Variants in CACNA2D2 observed in about 807,000 individuals in gnomAD.
The protein encoded by CACNA2D2 is voltage-dependent calcium channel subunit alpha-2/delta-2.
In CACNA2D2, 48 loss-of-function variants were observed where a neutral mutation model predicts 166.4. The observed-to-expected ratio is 0.29, with a 90% CI of 0.23 to 0.37. The LOEUF is 0.37. CACNA2D2 is among the 10% of genes least tolerant of loss of function. CACNA2D2 has a pLI of 1.00. For synonymous variants in CACNA2D2, 561 were observed against 573.7 expected (o/e 0.98, Z 0.32); for missense variants, 1,122 against 1,433.0 (o/e 0.78, Z 3.50).
chr3:50,500,560 G>A (rs1036869131), intron 1 of CACNA2D2, among the ~76,000 whole-genome samples: 16 of 152,212 alleles, frequency 1.1e-4, no homozygotes, highest in South Asian at 2.1e-4. Flanking sequence ...CCCCTCAGCC[G>A]GCGGTGGTGG....
rs2087773052 is a variant in CACNA2D2, at chr3:50,365,540, T to TC, written c.2972-59dup. On this transcript the variant is annotated intron_variant, in intron 34 of 37. Transcript: ENST00000424201. This position sits in a 1 kb window ranked among gnomAD's most constrained non-coding sequence, Gnocchi z 4.5. ...ACAGACCCTGGCAAGGTCTCCGGCCTCCCTCAGTCGTAGACCCCACCCTCC... is the reference window on the plus strand; with the variant it reads ...ACAGACCCTGGCAAGGTCTCCGGCCTCCCCTCAGTCGTAGACCCCACCCTCC... The TC allele has an allele frequency of 1.9e-6, 3 of 1,600,558 alleles. No individual in the cohort carries two copies. In the African/African-American group the frequency reaches 4.0e-5, roughly 21 times the overall value.
chr3:50,426,766 A>C (rs1399627559), intron 3 of CACNA2D2, among the ~76,000 whole-genome samples: 1 of 152,012 alleles, frequency 6.6e-6, no homozygotes, highest in Non-Finnish European at 1.5e-5. Context: ...GGGGCCAGAG[A>C]AGCTTAGCCC....
intron 1 of CACNA2D2, among the ~76,000 whole-genome samples, chr3:50,484,428 A>C (rs1210394645): frequency 2.0e-5 from 3 of 152,086 alleles, no homozygotes; most frequent in Non-Finnish European, 4.4e-5. Context: ...CCGTCGCACT[A>C]AGAGAAAACC....
chr3:50,449,923 A>G (rs1709023234), intron 2 of CACNA2D2, among the ~76,000 whole-genome samples: 1 of 152,156 alleles, frequency 6.6e-6, no homozygotes, highest in African/African-American at 2.4e-5. Context: ...CAATGACAGG[A>G]CTGTCACCAC....
intron 3 of CACNA2D2, among the ~76,000 whole-genome samples, chr3:50,413,018 A>G (rs1707094872): frequency 6.6e-6 from 1 of 151,980 alleles, no homozygotes; most frequent in African/African-American, 2.4e-5. Flanking sequence ...ACGAGGGTGG[A>G]CCCTCCCCAC....
At chr3:50,482,549 T>G (rs1184450865) in intron 1 of CACNA2D2, among the ~76,000 whole-genome samples, 1 of 152,216 alleles carries the variant, frequency 6.6e-6, no homozygotes, top group Non-Finnish European at 1.5e-5. Context: ...CAGCCCCACA[T>G]GTGGGATGCT....
chr3:50,485,275 A>T (rs929902313), intron 1 of CACNA2D2, among the ~76,000 whole-genome samples: 7 of 151,676 alleles, frequency 4.6e-5, no homozygotes, highest in Non-Finnish European at 1.0e-4. Context: ...TGGTTCCCGG[A>T]GCCAGACTCC....
intron 22 of CACNA2D2, among the ~76,000 whole-genome samples, chr3:50,370,794 G>GA (rs1256928842): frequency 2.6e-5 from 4 of 152,060 alleles, no homozygotes; most frequent in Admixed American, 6.5e-5. Flanking sequence ...ATCCATAATG[G>GA]AAAAAACCGC....
chr3:50,481,460 C>G (rs1187940506), intron 1 of CACNA2D2, among the ~76,000 whole-genome samples: 1 of 152,048 alleles, frequency 6.6e-6, no homozygotes, highest in Admixed American at 6.5e-5. Context: ...TCAGCCGCTG[C>G]GCTTCGTGAG....
chr3:50,380,834 T>A lies in CACNA2D2; in HGVS notation c.785-29A>T. 1 of 1,540,076 alleles carries A rather than the reference T, an allele frequency of 6.5e-7. No individual in the cohort carries two copies. On this transcript the variant is annotated intron_variant, in intron 7 of 37. Coordinates refer to ENST00000424201, the MANE Select transcript of CACNA2D2 (RefSeq NM_006030.4). This position sits in a 1 kb window ranked among gnomAD's most constrained non-coding sequence, Gnocchi z 4.9. ...AGGGAGGAGAGAAGGTGAGGGGGAC[T>A]GGCAGGAAAGGGCTGGCCTGGGTAG...
rs945980958 is a variant in CACNA2D2, at chr3:50,378,149, T to A, written c.1390-52A>T. 3 of 1,594,776 alleles carry A rather than the reference T, an allele frequency of 1.9e-6. No homozygotes were observed. The African/African-American group carries it at 4.0e-5, about 21-fold the overall frequency. ...ATGAGTGCCTTTCCCAGGCACTGCCTGTTCTGTCTCGCCAGGCATTGGGAT... is the reference window on the plus strand; with the variant it reads ...ATGAGTGCCTTTCCCAGGCACTGCCAGTTCTGTCTCGCCAGGCATTGGGAT... On this transcript the variant is annotated intron_variant, in intron 14 of 37. Coordinates refer to ENST00000424201, the MANE Select transcript of CACNA2D2 (RefSeq NM_006030.4).
At chr3:50,424,488 G>A (rs1269267239) in intron 3 of CACNA2D2, among the ~76,000 whole-genome samples, 1 of 152,162 alleles carries the variant, frequency 6.6e-6, no homozygotes, top group African/African-American at 2.4e-5. Flanking sequence ...GGGCCTTCTT[G>A]CTCCCTTATT....
rs575813777 is a variant in CACNA2D2, at chr3:50,427,292, G to A, written c.405+7021C>T. 6.6e-6 allele frequency among the ~76,000 whole-genome samples: 1 copy of A among 152,322 alleles called. No homozygotes were observed. The highest frequency in any genetic ancestry group is 1.5e-5 in the Non-Finnish European group (1 of 68,028). Reference sequence around the variant, plus strand: ...CCTCTGTAGGCGGAGGGCCCCAAGGGTGCCCACACAATGGGTGTCCAACAG... The same window carrying A: ...CCTCTGTAGGCGGAGGGCCCCAAGGATGCCCACACAATGGGTGTCCAACAG... On this transcript the variant is annotated intron_variant, in intron 3 of 37. Coordinates refer to ENST00000424201, the MANE Select transcript of CACNA2D2 (RefSeq NM_006030.4). This position sits in a 1 kb window ranked among gnomAD's most constrained non-coding sequence, Gnocchi z 4.7.
At chr3:50,493,768 G>A (rs1367926981) in intron 1 of CACNA2D2, among the ~76,000 whole-genome samples, 1 of 152,232 alleles carries the variant, frequency 6.6e-6, no homozygotes, top group Non-Finnish European at 1.5e-5. Flanking sequence ...CAGAGCTGGA[G>A]GCGGGGCACG....
intron 1 of CACNA2D2, among the ~76,000 whole-genome samples, chr3:50,502,170 C>T (rs1698995936): frequency 6.6e-6 from 1 of 152,156 alleles, no homozygotes; most frequent in Non-Finnish European, 1.5e-5. Context: ...TCCCCGAGGC[C>T]AGACCCTTCC....
intron 2 of CACNA2D2, among the ~76,000 whole-genome samples, chr3:50,438,440 C>A (rs1368854020): frequency 6.6e-6 from 1 of 152,212 alleles, no homozygotes; most frequent in Non-Finnish European, 1.5e-5. Context: ...GCCGTGGGGG[C>A]TGATGCCTCC....
At chr3:50,440,053 A>G (rs1204073936) in intron 2 of CACNA2D2, among the ~76,000 whole-genome samples, 1 of 152,214 alleles carries the variant, frequency 6.6e-6, no homozygotes, top group East Asian at 1.9e-4. Flanking sequence ...TCTACCACTG[A>G]CAGCACTTGG....
At chr3:50,389,814 G>A (rs1240278388) in intron 4 of CACNA2D2, among the ~76,000 whole-genome samples, 1 of 152,210 alleles carries the variant, frequency 6.6e-6, no homozygotes, top group Non-Finnish European at 1.5e-5. Context: ...CTGCCCCCCA[G>A]GGCTTGATGC....
At chr3:50,374,611 A>T in intron 22 of CACNA2D2, 126 bp downstream of exon 22, 1 of 1,009,260 alleles carries the variant, frequency 9.9e-7, no homozygotes, top group Non-Finnish European at 1.5e-6. Context: ...CGGGCACCTG[A>T]GGGTGGGCAG....
Sources: allele counts gnomAD v4.1 joint callset (sites outside exome capture counted in the v4.1 genomes callset), GRCh38; gene constraint gnomAD v4.1.1; non-coding constraint Gnocchi (gnomAD v3.1); transcripts MANE v1.5; gene names NCBI Gene and HGNC (gene_info 2026-07-23, HGNC 2026-07-21).